CNTN4: variants seen among roughly 807,000 people sequenced by gnomAD.
CNTN4 encodes contactin-4.
CNTN4 carries 77 observed loss-of-function variants against 122.5 expected under a neutral mutation model. The observed-to-expected ratio is 0.63, with a 90% CI of 0.52 to 0.76. The LOEUF (loss-of-function observed/expected upper bound fraction) is 0.76, where lower values mean the gene tolerates loss of function less well. Among genes scored for constraint, CNTN4 ranks in the 30% least tolerant of loss-of-function variants. CNTN4 has a pLI of 0.00. For synonymous variants in CNTN4, 512 were observed against 447.0 expected (o/e 1.15, Z -1.83); for missense variants, 1,256 against 1,259.1 (o/e 1.00, Z 0.04).
intron 3 of CNTN4, among the ~76,000 whole-genome samples, chr3:2,534,636 T>G (rs2077728561): frequency 6.6e-6 from 1 of 151,928 alleles, no homozygotes; most frequent in Non-Finnish European, 1.5e-5. Flanking sequence ...GGCACTGTTT[T>G]CCAGCTGAGG....
At chr3:2,835,059 C>T (rs888025539) in intron 7 of CNTN4, among the ~76,000 whole-genome samples, 7 of 151,790 alleles carry the variant, frequency 4.6e-5, no homozygotes, top group Admixed American at 4.6e-4. Flanking sequence ...CGCCCGCCAC[C>T]ACGCCCGGCT....
At chr3:2,406,665 C>T (rs1194724894) in intron 3 of CNTN4, among the ~76,000 whole-genome samples, 1 of 152,036 alleles carries the variant, frequency 6.6e-6, no homozygotes, top group East Asian at 1.9e-4. Flanking sequence ...TAATATTGTA[C>T]AACATACCTC....
intron 6 of CNTN4, among the ~76,000 whole-genome samples, chr3:2,761,409 G>C (rs1312669129): frequency 6.6e-6 from 1 of 151,054 alleles, no homozygotes; most frequent in East Asian, 2.0e-4. Flanking sequence ...TCAGAGTTGT[G>C]AGGATTAAAT....
At position 3,056,436 on chromosome 3, in the gene CNTN4, A is replaced by C; in HGVS notation, c.*216A>C. Reference sequence around the variant, plus strand: ...CTTTGGAAACTCTGCAATGCACTGAAGACATCTGTAATATGATGTTACCAA... The same window carrying C: ...CTTTGGAAACTCTGCAATGCACTGACGACATCTGTAATATGATGTTACCAA... On this transcript the variant is annotated 3_prime_UTR_variant, in exon 25 of 25. Transcript: ENST00000418658. The C allele has an allele frequency of 1.9e-6, 1 of 518,270 alleles. No homozygotes were observed. The highest frequency in any genetic ancestry group is 3.5e-6 in the Non-Finnish European group (1 of 286,742). 32.1% of individuals were successfully genotyped at this position (518,270 alleles called of 1,614,324 possible).
chr3:2,751,593 G>A (rs1318280778), intron 6 of CNTN4, among the ~76,000 whole-genome samples: 1 of 152,234 alleles, frequency 6.6e-6, no homozygotes, highest in Non-Finnish European at 1.5e-5. Flanking sequence ...GGGGATTTCA[G>A]TTCGTTATTT....
At chr3:2,974,782 A>G (rs1292576672) in intron 13 of CNTN4, among the ~76,000 whole-genome samples, 3 of 152,338 alleles carry the variant, frequency 2.0e-5, no homozygotes, top group Non-Finnish European at 4.4e-5. Flanking sequence ...ATGAGCTAGT[A>G]GATTCCACTT....
chr3:2,914,938 G>A (rs546519872), intron 12 of CNTN4, among the ~76,000 whole-genome samples: 7 of 152,114 alleles, frequency 4.6e-5, no homozygotes, highest in Non-Finnish European at 1.0e-4. Context: ...TGTCAAATTG[G>A]AATTATACCT....
chr3:2,549,533 A>G (rs548524093), intron 3 of CNTN4, among the ~76,000 whole-genome samples: 2 of 152,314 alleles, frequency 1.3e-5, no homozygotes, highest in Admixed American at 6.5e-5. Flanking sequence ...CCAACCTTGC[A>G]TCCCAAGGAT....
chr3:2,293,198 CAT>C (rs778906402), intron 2 of CNTN4, among the ~76,000 whole-genome samples: 19 of 152,166 alleles, frequency 1.2e-4, no homozygotes, highest in Non-Finnish European at 2.4e-4. Flanking sequence ...ATTTTTCAAA[CAT>C]ATTTTTGTAC....
intron 2 of CNTN4, among the ~76,000 whole-genome samples, chr3:2,159,289 T>G (rs974252716): frequency 1.3e-5 from 2 of 152,190 alleles, no homozygotes; most frequent in African/African-American, 4.8e-5. Context: ...AACATATCCC[T>G]GAAGCTTACA....
intron 2 of CNTN4, among the ~76,000 whole-genome samples, chr3:2,287,718 GAAGAA>G (rs2041981904): frequency 0.011 from 804 of 74,708 alleles, 24 homozygotes; most frequent in South Asian, 0.016. Flanking sequence ...AGAGGAAGAA[GAAGAA>G]GAAGAAGAAG....
intron 4 of CNTN4, among the ~76,000 whole-genome samples, chr3:2,652,120 G>A (rs896953642): frequency 6.6e-5 from 10 of 151,390 alleles, no homozygotes; most frequent in Non-Finnish European, 1.2e-4. Context: ...TTTTTCGATT[G>A]CTGAGGCAGG....
chr3:2,598,333 A>G (rs1417940849), intron 4 of CNTN4, among the ~76,000 whole-genome samples: 1 of 152,144 alleles, frequency 6.6e-6, no homozygotes, highest in Non-Finnish European at 1.5e-5. Context: ...ACTCTTAATC[A>G]TCTTGCCCTT....
At chr3:2,175,799 C>T (rs1366220323) in intron 2 of CNTN4, among the ~76,000 whole-genome samples, 2 of 152,130 alleles carry the variant, frequency 1.3e-5, no homozygotes, top group African/African-American at 4.8e-5. Flanking sequence ...ATCATACAGA[C>T]AGAATGAGCA....
intron 3 of CNTN4, among the ~76,000 whole-genome samples, chr3:2,433,822 T>A (rs2048165033): frequency 6.6e-6 from 1 of 152,198 alleles, no homozygotes; most frequent in Non-Finnish European, 1.5e-5. Context: ...AGTTTCCAAT[T>A]TCATTCTACT....
chr3:3,016,877 A>T (rs1174533889), intron 14 of CNTN4, among the ~76,000 whole-genome samples: 2 of 152,274 alleles, frequency 1.3e-5, no homozygotes, highest in East Asian at 3.9e-4. Flanking sequence ...CTCAGGGGCG[A>T]TTTGTAAATT....
At chr3:2,758,955 C>G (rs1382874121) in intron 6 of CNTN4, among the ~76,000 whole-genome samples, 1 of 152,060 alleles carries the variant, frequency 6.6e-6, no homozygotes, top group African/African-American at 2.4e-5. Context: ...ATTTTCATCC[C>G]CCTAAAGATA....
At chr3:2,376,799 A>G (rs958458282) in intron 3 of CNTN4, among the ~76,000 whole-genome samples, 9 of 151,834 alleles carry the variant, frequency 5.9e-5, no homozygotes, top group African/African-American at 1.9e-4. Flanking sequence ...GCACTGACTC[A>G]TTATCTGTCA....
At chr3:2,631,871 A>C (rs1441007522) in intron 4 of CNTN4, among the ~76,000 whole-genome samples, 5 of 147,374 alleles carry the variant, frequency 3.4e-5, no homozygotes, top group Admixed American at 3.4e-4. Context: ...TCTACAAAAA[A>C]AAAAAAACAA....
Sources: allele counts gnomAD v4.1 joint callset (sites outside exome capture counted in the v4.1 genomes callset), GRCh38; gene constraint gnomAD v4.1.1; transcripts MANE v1.5; gene names NCBI Gene and HGNC (gene_info 2026-07-23, HGNC 2026-07-21).